Variants in DNAH7 observed in about 807,000 individuals in gnomAD.
DNAH7 encodes the protein dynein axonemal heavy chain 7.
Under a neutral mutation model 444.6 loss-of-function variants are expected in DNAH7, and 397 were observed. The observed-to-expected ratio is 0.89, with a 90% CI of 0.82 to 0.97. The LOEUF (loss-of-function observed/expected upper bound fraction) is 0.97, where lower values mean the gene tolerates loss of function less well. DNAH7 is among the 50% of genes least tolerant of loss of function. DNAH7 has a pLI of 0.00. For missense variants in DNAH7, 4,902 were observed against 4,800.8 expected (o/e 1.02, Z -0.62); for synonymous variants, 1,636 against 1,624.4 (o/e 1.01, Z -0.17).
At chr2:195,834,429 C>T in intron 47 of DNAH7, 69 bp from the exon 48 acceptor site, 1 of 1,428,010 alleles carries the variant, frequency 7.0e-7, no homozygotes, top group South Asian at 1.7e-5. Context: ...ATCATGTTCA[C>T]ATCACAGGTC....
rs554209184 is a variant in DNAH7 at position 195,886,892 on chromosome 2, T to C, written c.5407-620A>G. On this transcript the variant is annotated intron_variant, in intron 33 of 64. Transcript: ENST00000312428. ...GCTCTCTTCCAATTGCCAAGTCACATTGTTTGGTGATTAACAAGTAAAAAT... is the reference window on the plus strand; with the variant it reads ...GCTCTCTTCCAATTGCCAAGTCACACTGTTTGGTGATTAACAAGTAAAAAT... 1.7e-4 allele frequency among the ~76,000 whole-genome samples: 26 copies of C among 152,288 alleles called. No homozygotes were observed. In the East Asian group the frequency reaches 3.3e-3, roughly 19 times the overall value.
chr2:195,949,513 A>T (rs1402405343), intron 19 of DNAH7, among the ~76,000 whole-genome samples: 3 of 152,068 alleles, frequency 2.0e-5, no homozygotes, highest in African/African-American at 7.3e-5. Context: ...CGAACTCCTG[A>T]CCACAGGTGA....
chr2:196,040,784 G>C (rs571601363), intron 5 of DNAH7, among the ~76,000 whole-genome samples: 1 of 151,824 alleles, frequency 6.6e-6, no homozygotes, highest in East Asian at 1.9e-4. Flanking sequence ...AATTGTTCTT[G>C]TTTGCAAATG....
At chr2:195,804,375 G>A (rs1398273594) in intron 54 of DNAH7, among the ~76,000 whole-genome samples, 1 of 152,070 alleles carries the variant, frequency 6.6e-6, no homozygotes, top group African/African-American at 2.4e-5. Flanking sequence ...AAAATTAAAG[G>A]GTTTGAAGCT....
At position 195,844,238 on chromosome 2, in the gene DNAH7, T is replaced by C. The variant is rs187734916; in HGVS notation, c.8945+764A>G. Among the ~76,000 whole-genome samples, 6 of 152,340 alleles carry C rather than the reference T, an allele frequency of 3.9e-5. No homozygotes were observed. In the East Asian group the frequency reaches 1.2e-3, roughly 29 times the overall value. Reference sequence around the variant, plus strand: ...AAGTACCATCATATCAATTACTTTTTCATAGTAACCTAACAATTAGTCAAA... The same window carrying C: ...AAGTACCATCATATCAATTACTTTTCCATAGTAACCTAACAATTAGTCAAA... On this transcript the variant is annotated intron_variant, in intron 47 of 64. Transcript: ENST00000312428.
At chr2:195,958,209 A>C (rs1198519349) in intron 18 of DNAH7, among the ~76,000 whole-genome samples, 1 of 152,088 alleles carries the variant, frequency 6.6e-6, no homozygotes, top group Non-Finnish European at 1.5e-5. Context: ...TGAGATAAGA[A>C]GACCAACCCC....
chr2:195,881,712 T>TA, intron 36 of DNAH7, 83 bp downstream of exon 36: 2 of 1,410,152 alleles, frequency 1.4e-6, no homozygotes, highest in East Asian at 2.3e-5. Context: ...TGAGTATTTT[T>TA]AAAAAATTAT....
intron 16 of DNAH7, 51 bp from the exon 17 acceptor site, chr2:195,970,145 T>C: frequency 6.6e-7 from 1 of 1,523,288 alleles, no homozygotes; most frequent in Non-Finnish European, 8.8e-7. Flanking sequence ...AACCCCTTGC[T>C]GTCAAAAAAT....
At chr2:195,848,314 T>G (rs1037790353) in intron 46 of DNAH7, among the ~76,000 whole-genome samples, 1 of 152,254 alleles carries the variant, frequency 6.6e-6, no homozygotes, top group Non-Finnish European at 1.5e-5. Flanking sequence ...CTGTATGGTG[T>G]TCCATCATGA....
At chr2:195,942,318 G>A (rs1484224732) in intron 19 of DNAH7, among the ~76,000 whole-genome samples, 4 of 151,786 alleles carry the variant, frequency 2.6e-5, no homozygotes, top group African/African-American at 7.3e-5. Flanking sequence ...AAACGCCCTC[G>A]GATACAGTGT....
In DNAH7 at chr2:195,826,637, T is replaced by C. The variant is rs150808519; in HGVS notation, c.9101-2192A>G. Among the ~76,000 whole-genome samples the C allele has an allele frequency of 2.0e-5, 3 of 152,334 alleles. No individual in the cohort carries two copies. The East Asian group carries it at 5.8e-4, about 29-fold the overall frequency. On this transcript the variant is annotated intron_variant, in intron 48 of 64. Coordinates refer to ENST00000312428, the MANE Select transcript of DNAH7 (RefSeq NM_018897.3). ...TTTTTAGCTGTTCTTTGGTTAACTA[T>C]ATATTTTTTTCTGGAAACTGTATAC... is the stretch of plus-strand genomic sequence containing the variant.
chr2:195,766,086 C>T (rs988928122), intron 61 of DNAH7, among the ~76,000 whole-genome samples: 2 of 151,212 alleles, frequency 1.3e-5, no homozygotes, highest in African/African-American at 4.9e-5. Flanking sequence ...ATGGATGGAA[C>T]CTGAGATCAT....
chr2:195,776,739 C>T (rs746143596), intron 59 of DNAH7, among the ~76,000 whole-genome samples: 6 of 152,064 alleles, frequency 3.9e-5, no homozygotes, highest in Non-Finnish European at 5.9e-5. Context: ...TCACCATTAA[C>T]ATTATACTTC....
intron 14 of DNAH7, 59 bp downstream of exon 14, chr2:195,987,007 A>G: frequency 7.0e-7 from 1 of 1,434,548 alleles, no homozygotes; most frequent in Non-Finnish European, 9.3e-7. Context: ...GTTGAGTGAC[A>G]GCTGATTCTA....
chr2:195,870,225 A>G (rs1172500401), intron 40 of DNAH7, among the ~76,000 whole-genome samples: 1 of 152,212 alleles, frequency 6.6e-6, no homozygotes, highest in East Asian at 1.9e-4. Flanking sequence ...TAAAGTTTCT[A>G]TTATTGCAAA....
At chr2:195,924,787 T>C (rs899035226) in intron 22 of DNAH7, among the ~76,000 whole-genome samples, 16 of 152,188 alleles carry the variant, frequency 1.1e-4, no homozygotes, top group African/African-American at 4.8e-5. Context: ...TGTTAGTTTA[T>C]AATAAGCTAA....
chr2:196,012,722 A>G (rs1694792840), intron 10 of DNAH7, 65 bp downstream of exon 10: 16 of 1,538,640 alleles, frequency 1.0e-5, no homozygotes, highest in African/African-American at 1.4e-5. Flanking sequence ...AAGCAGTTAA[A>G]ATGCAGTAGC....
At position 195,794,453 on chromosome 2, in the gene DNAH7, T is replaced by C. The variant is rs1696041485; in HGVS notation, c.10601A>G (p.Gln3534Arg). The C allele has an allele frequency of 6.2e-7, 1 of 1,614,210 alleles. No homozygotes were observed. Among genetic ancestry groups the C allele is most frequent in the East Asian group, 2.2e-5 (1 of 44,882 alleles). ...TTCATTGGTCATTTTCACTCCATTCTGCAGTACTGACACAGGGAAATTTGG... is the reference window on the plus strand; with the variant it reads ...TTCATTGGTCATTTTCACTCCATTCCGCAGTACTGACACAGGGAAATTTGG... ...PSPNFPVSVL[Q>R]NGVKMTNEAP... Residue 3534 changes from glutamine (Q) to arginine (R), a missense_variant, in exon 57 of 65, where the codon CAG becomes CGG. Physicochemically the swap from Gln to Arg is conservative, Grantham distance 43. Transcript: ENST00000312428.
intron 48 of DNAH7, among the ~76,000 whole-genome samples, chr2:195,832,989 G>C (rs573896286): frequency 6.6e-6 from 1 of 152,260 alleles, no homozygotes; most frequent in East Asian, 1.9e-4. Flanking sequence ...CTGAGTCTCA[G>C]GAAGGTCACT....
Sources: allele counts gnomAD v4.1 joint callset (sites outside exome capture counted in the v4.1 genomes callset), GRCh38; gene constraint gnomAD v4.1.1; transcripts MANE v1.5; gene names NCBI Gene and HGNC (gene_info 2026-07-23, HGNC 2026-07-21).